The following ROBO1 variants were observed in gnomAD, a reference collection of about 807,000 sequenced individuals.
ROBO1 encodes the protein roundabout homolog 1.
ROBO1 carries 149 observed loss-of-function variants against 195.9 expected under a neutral mutation model. The ratio of observed to expected loss-of-function variants is 0.76; its 90% CI spans 0.67 to 0.87. The LOEUF is 0.87. ROBO1 is among the 40% of genes least tolerant of loss of function. The pLI is 0.00. For missense variants in ROBO1, 1,933 were observed against 2,068.3 expected, an observed-to-expected ratio of 0.93 and a Z score of 1.27; for synonymous variants, 816 against 733.2, an observed-to-expected ratio of 1.11 and a Z score of -1.82.
chr3:78,727,506 T>A (rs548895061), intron 5 of ROBO1, among the ~76,000 whole-genome samples: 25 of 152,098 alleles, frequency 1.6e-4, no homozygotes, highest in African/African-American at 5.3e-4. Context: ...GCACCTGTAG[T>A]CCCAGCTACT....
rs116623254 is a variant in ROBO1 at position 79,314,273 on chromosome 3, G to C, written c.89-188734C>G. On this transcript the variant is annotated intron_variant, in intron 2 of 30. Coordinates refer to ENST00000464233, the MANE Select transcript of ROBO1 (RefSeq NM_002941.4). Reference sequence around the variant, plus strand: ...GATGTAAGACTGATAGGGTTTGGCTGTTTCCCCACCCAAATCACATCTTGA... The same window carrying C: ...GATGTAAGACTGATAGGGTTTGGCTCTTTCCCCACCCAAATCACATCTTGA... Among the ~76,000 whole-genome samples the C allele has an allele frequency of 8.5e-3, 1,300 of 152,296 alleles. 25 individuals are homozygous for C. The highest frequency in any genetic ancestry group is 0.03 in the African/African-American group (1,253 of 41,560).
intron 4 of ROBO1, chr3:78,937,990 A>AGTGTGTGTGTGTGT (rs10596981): frequency 2.2e-5 from 3 of 135,598 alleles, no homozygotes; most frequent in Non-Finnish European, 3.2e-5. Flanking sequence ...AGAGAGAGTG[A>AGTGTGTGTGTGTGT]GTGTGTGTGT....
chr3:79,420,019 C>T (rs777442510), intron 2 of ROBO1, among the ~76,000 whole-genome samples: 1 of 152,068 alleles, frequency 6.6e-6, no homozygotes, highest in Non-Finnish European at 1.5e-5. Flanking sequence ...ATGGCATTAA[C>T]AGAAAATGAA....
intron 2 of ROBO1, among the ~76,000 whole-genome samples, chr3:79,422,434 G>A (rs571305934): frequency 2.0e-4 from 31 of 152,018 alleles, no homozygotes; most frequent in East Asian, 9.7e-4. Context: ...AATATACTAC[G>A]TAACATTGCA....
intron 2 of ROBO1, among the ~76,000 whole-genome samples, chr3:79,567,578 G>A (rs180924488): frequency 6.6e-6 from 1 of 151,984 alleles, no homozygotes; most frequent in Non-Finnish European, 1.5e-5. Flanking sequence ...CATTCAAAAG[G>A]TTCCAGCCAA....
Position 78,607,049 on chromosome 3 carries a change from G to T in ROBO1, c.4436-8C>A, listed in dbSNP as rs752443045. 6.2e-7 allele frequency: 1 copy of T among 1,602,996 alleles called. No individual in the cohort carries two copies. ...CAGGAGGTGGTGGAAGATCTAAAAAGAAACATTAAAAATACTACTGTAAAA... is the reference window on the plus strand; with the variant it reads ...CAGGAGGTGGTGGAAGATCTAAAAATAAACATTAAAAATACTACTGTAAAA... On this transcript the variant is annotated splice_polypyrimidine_tract_variant and splice_region_variant and intron_variant, in intron 28 of 30. Coordinates refer to ENST00000464233, the MANE Select transcript of ROBO1 (RefSeq NM_002941.4).
At chr3:79,336,421 G>A (rs540313734) in intron 2 of ROBO1, among the ~76,000 whole-genome samples, 4 of 152,328 alleles carry the variant, frequency 2.6e-5, no homozygotes, top group African/African-American at 7.2e-5. Flanking sequence ...AGGCGCCAAC[G>A]TACTGCTCAG....
chr3:78,934,232 A>G (rs1396423199), intron 4 of ROBO1, among the ~76,000 whole-genome samples: 2 of 151,996 alleles, frequency 1.3e-5, no homozygotes, highest in Non-Finnish European at 2.9e-5. Flanking sequence ...TAACTGTGTT[A>G]TGTATTTTAC....
intron 2 of ROBO1, among the ~76,000 whole-genome samples, chr3:79,146,898 T>C (rs2080665053): frequency 6.6e-6 from 1 of 151,750 alleles, no homozygotes; most frequent in Admixed American, 6.6e-5. Flanking sequence ...CAGAAGGAAA[T>C]GGTGAAAATA....
At chr3:79,035,241 T>C (rs1559610001) in intron 3 of ROBO1, among the ~76,000 whole-genome samples, 1 of 152,154 alleles carries the variant, frequency 6.6e-6, no homozygotes, top group Non-Finnish European at 1.5e-5. Flanking sequence ...TATTTCTTCG[T>C]TTGGAGAATT....
rs183504883 is a variant in ROBO1, at chr3:78,786,408, G to A, written c.500-39508C>T. Among the ~76,000 whole-genome samples, 5 of 152,202 alleles carry A rather than the reference G, an allele frequency of 3.3e-5. 1 individual carries two copies. In the East Asian group the frequency reaches 9.6e-4, roughly 29 times the overall value. ...ATCATTAATTGAGTGCTTAGTATGA[G>A]TCTGGATGATGCTATTATATACATA... On this transcript the variant is annotated intron_variant, in intron 4 of 30. Transcript: ENST00000464233.
intron 2 of ROBO1, 151 bp downstream of exon 2, chr3:79,589,673 C>G: frequency 3.5e-6 from 2 of 572,914 alleles, no homozygotes; most frequent in Admixed American, 3.3e-5. Context: ...TGAAATTGAT[C>G]AGCACTCATA....
intron 2 of ROBO1, among the ~76,000 whole-genome samples, chr3:79,571,393 T>C (rs908405451): frequency 6.6e-6 from 1 of 152,072 alleles, no homozygotes; most frequent in African/African-American, 2.4e-5. Flanking sequence ...AATTCTTCAA[T>C]AGCGTATATG....
intron 2 of ROBO1, among the ~76,000 whole-genome samples, chr3:79,207,476 G>A (rs984081235): frequency 4.6e-5 from 7 of 152,050 alleles, no homozygotes; most frequent in Non-Finnish European, 8.8e-5. Context: ...GGAGCTGAGT[G>A]CATGGCCTAA....
chr3:78,799,104 C>G (rs1167826459), intron 4 of ROBO1, among the ~76,000 whole-genome samples: 1 of 152,130 alleles, frequency 6.6e-6, no homozygotes, highest in African/African-American at 2.4e-5. Context: ...GAATTCTTCT[C>G]TTTGATTGCT....
chr3:78,870,819 CCAACAG>C (rs1164164330), intron 4 of ROBO1, among the ~76,000 whole-genome samples: 1 of 152,082 alleles, frequency 6.6e-6, no homozygotes, highest in East Asian at 1.9e-4. Context: ...GTGTCACAAG[CCAACAG>C]TACCTGAATC....
intron 2 of ROBO1, among the ~76,000 whole-genome samples, chr3:79,509,668 TAACAC>T (rs1434135785): frequency 2.0e-5 from 3 of 152,190 alleles, no homozygotes; most frequent in Non-Finnish European, 4.4e-5. Context: ...ACCCCGCACT[TAACAC>T]AAGCTGGATG....
chr3:79,028,904 T>C (rs540367023), intron 3 of ROBO1, among the ~76,000 whole-genome samples: 2 of 152,214 alleles, frequency 1.3e-5, no homozygotes, highest in African/African-American at 4.8e-5. Flanking sequence ...CACCAGAAAG[T>C]AAACTCTTTT....
chr3:79,503,402 C>A (rs1357879604), intron 2 of ROBO1, among the ~76,000 whole-genome samples: 1 of 152,174 alleles, frequency 6.6e-6, no homozygotes, highest in African/African-American at 2.4e-5. Context: ...TACCACTCAC[C>A]GCTAGGGTCT....
Sources: allele counts gnomAD v4.1 joint callset (sites outside exome capture counted in the v4.1 genomes callset), GRCh38; gene constraint gnomAD v4.1.1; transcripts MANE v1.5; gene names NCBI Gene and HGNC (gene_info 2026-07-23, HGNC 2026-07-21).